The following ERMAP variants were observed in gnomAD, a reference collection of about 807,000 sequenced individuals.
ERMAP encodes erythroid membrane-associated protein.
In ERMAP, 34 loss-of-function variants were observed where a neutral mutation model predicts 49.5. That is an observed-to-expected ratio of 0.69 (90% CI 0.52 to 0.91). The LOEUF (loss-of-function observed/expected upper bound fraction) is 0.91. Ranked by LOEUF, ERMAP falls within the 40% of genes least tolerant of loss-of-function variation. ERMAP has a pLI of 0.00. For missense variants in ERMAP, 541 were observed against 582.6 expected (o/e 0.93, Z 0.74); for synonymous variants, 214 against 232.2 (o/e 0.92, Z 0.71).
Position 42,837,198 on chromosome 1 carries a change from T to C in ERMAP, c.616+8T>C, listed in dbSNP as rs369151425. 1.4e-4 allele frequency: 220 copies of C among 1,613,030 alleles called. No individual in the cohort carries two copies. The highest frequency in any genetic ancestry group is 1.8e-4 in the Non-Finnish European group (209 of 1,179,194). ...ACCATGCTAAAGAAAAAGGTAATGA[T>C]ATAAAAGAGTAAGGGGTAGGGAACA... On this transcript the variant is annotated splice_region_variant and intron_variant, in intron 7 of 11. Coordinates refer to ENST00000372517, the MANE Select transcript of ERMAP (RefSeq NM_001017922.2).
chr1:42,831,786 A>G (rs1285701712), intron 4 of ERMAP, among the ~76,000 whole-genome samples: 1 of 151,510 alleles, frequency 6.6e-6, no homozygotes, highest in Non-Finnish European at 1.5e-5. Context: ...GGGTCTCCCT[A>G]TGTTTCCTAG....
chr1:42,828,838 C>T (rs1464365642), intron 2 of ERMAP, among the ~76,000 whole-genome samples: 2 of 152,084 alleles, frequency 1.3e-5, no homozygotes, highest in Non-Finnish European at 2.9e-5. Context: ...TTGTCTGAAT[C>T]TTGGAATATG....
chr1:42,835,767 A>T lies in ERMAP; in HGVS notation c.583+3A>T. 1 of 1,609,246 alleles carries T rather than the reference A, an allele frequency of 6.2e-7. No individual in the cohort carries two copies. The highest frequency in any genetic ancestry group is 8.5e-7 in the Non-Finnish European group (1 of 1,177,936). Reference sequence around the variant, plus strand: ...CTATGAACATGTGACGGAGGTGGGTAAGTGTTCTTGGCTGGGGGGCAGGGG... The same window carrying T: ...CTATGAACATGTGACGGAGGTGGGTTAGTGTTCTTGGCTGGGGGGCAGGGG... On this transcript the variant is annotated splice_donor_region_variant and intron_variant, in intron 6 of 11. Coordinates refer to ENST00000372517, the MANE Select transcript of ERMAP (RefSeq NM_001017922.2).
At chr1:42,827,390 G>T (rs896299524) in intron 2 of ERMAP, among the ~76,000 whole-genome samples, 10 of 152,232 alleles carry the variant, frequency 6.6e-5, no homozygotes, top group African/African-American at 2.4e-4. Context: ...GCCCAGGCTG[G>T]TCTCAAACTC....
chr1:42,821,170 G>A (rs1654397060), intron 1 of ERMAP, among the ~76,000 whole-genome samples: 1 of 152,132 alleles, frequency 6.6e-6, no homozygotes, highest in South Asian at 2.1e-4. Flanking sequence ...CATCTCTATT[G>A]CACAGTTACT....
In ERMAP at chr1:42,819,745, C is replaced by G. The variant is rs1342388088; in HGVS notation, c.-122+2492C>G. The stretch of plus-strand genomic sequence containing the variant: ...AGTGGCTGGTACTACAGATGTGAAC[C>G]AGGTCATTTACCAGTGTCTTTTTTT... On this transcript the variant is annotated intron_variant, in intron 1 of 11. Coordinates refer to ENST00000372517, the MANE Select transcript of ERMAP (RefSeq NM_001017922.2). The surrounding 1 kb of genome is among the most constrained non-coding windows in gnomAD (Gnocchi z 5.1). Among the ~76,000 whole-genome samples, 1 of 151,914 alleles carries G rather than the reference C, an allele frequency of 6.6e-6. No individual in the cohort carries two copies. The highest frequency in any genetic ancestry group is 1.5e-5 in the Non-Finnish European group (1 of 67,994).
intron 1 of ERMAP, 79 bp downstream of exon 1, chr1:42,817,332 GGGGGGAGGGGCGCAGGGCCGAGCGCCA>G (rs1331398539): frequency 7.6e-5 from 77 of 1,014,490 alleles, no homozygotes; most frequent in Admixed American, 3.5e-4. Context: ...GCCGCGCGCC[GGGGGGAGGGGCGCAGGGCCGAGCGCCA>G]GGAGGCTTCC....
At chr1:42,835,619 C>T (rs1570541726) in intron 5 of ERMAP, 113 bp from the exon 6 acceptor site, 7 of 1,382,576 alleles carry the variant, frequency 5.1e-6, no homozygotes, top group Middle Eastern at 2.4e-4. Flanking sequence ...GCCCGCTTAC[C>T]TGTAGTGACA....
chr1:42,839,071 C>T, intron 8 of ERMAP, 150 bp downstream of exon 8: 1 of 1,135,308 alleles, frequency 8.8e-7, no homozygotes, highest in Non-Finnish European at 1.3e-6. Flanking sequence ...CTCTCAAAGG[C>T]CTCTTTTCTC....
rs1304333445 is a variant in ERMAP at position 42,837,272 on chromosome 1, TAA to T, written c.616+83_616+84del. The T allele has an allele frequency of 1.7e-5, 24 of 1,444,234 alleles. No individual in the cohort carries two copies. The East Asian group carries it at 4.3e-4, about 26-fold the overall frequency. 89.5% of individuals were successfully genotyped at this position (1,444,234 alleles called of 1,614,324 possible). A position where few individuals can be genotyped will look rare whatever the true frequency, so the allele number is the denominator to read the frequency against. On this transcript the variant is annotated intron_variant, in intron 7 of 11. Transcript: ENST00000372517. ...ATGTAAATGTTGACAGTCATTATTA[TAA>T]GTCTATTTTTATAATACTGTACACA...
chr1:42,835,648 G>T (rs1292851618), intron 5 of ERMAP, 84 bp from the exon 6 acceptor site: 1 of 1,576,356 alleles, frequency 6.3e-7, no homozygotes, highest in African/African-American at 1.4e-5. Context: ...GTCCTACTCA[G>T]GCAGCTGGGG....
chr1:42,827,016 T>G (rs34510841), intron 2 of ERMAP, among the ~76,000 whole-genome samples: 142 of 152,302 alleles, frequency 9.3e-4, no homozygotes, highest in African/African-American at 3.3e-3. Context: ...TATAGAATTA[T>G]TTTAAAGCTT....
At chr1:42,827,634 C>G (rs1654593615) in intron 2 of ERMAP, among the ~76,000 whole-genome samples, 1 of 152,162 alleles carries the variant, frequency 6.6e-6, no homozygotes, top group Non-Finnish European at 1.5e-5. Context: ...ACAGAAAAAG[C>G]CCCAAACTGT....
chr1:42,829,930 C>T (rs952367685), intron 2 of ERMAP: 1 of 158,862 alleles, frequency 6.3e-6, no homozygotes, highest in Non-Finnish European at 1.4e-5. Flanking sequence ...GACCTCACTG[C>T]CTTGATCTGT....
At chr1:42,842,149 G>A (rs998885842) in intron 11 of ERMAP, 1 of 207,358 alleles carries the variant, frequency 4.8e-6, no homozygotes, top group African/African-American at 2.3e-5. Flanking sequence ...CTTTGTGAAG[G>A]ACCCAAACAC....
chr1:42,828,490 T>C (rs1199079771), intron 2 of ERMAP, among the ~76,000 whole-genome samples: 1 of 110,828 alleles, frequency 9.0e-6, no homozygotes, highest in African/African-American at 3.2e-5. Context: ...CATTCTTTTT[T>C]TAAAAAAATT....
At chr1:42,838,642 C>T (rs1403789579) in intron 7 of ERMAP, among the ~76,000 whole-genome samples, 5 of 152,112 alleles carry the variant, frequency 3.3e-5, no homozygotes, top group Non-Finnish European at 7.4e-5. Context: ...ATGCCGACAG[C>T]AGAAATGAAA....
rs762803517 is a variant in ERMAP at position 42,838,932 on chromosome 1, C to T, written c.637+11C>T. The T allele has an allele frequency of 1.2e-6, 2 of 1,614,154 alleles. No homozygotes were observed. The highest frequency in any genetic ancestry group is 1.7e-6 in the Non-Finnish European group (2 of 1,180,010). On this transcript the variant is annotated intron_variant, in intron 8 of 11. Transcript: ENST00000372517. The stretch of plus-strand genomic sequence containing the variant: ...TCCATAAAGCTGTCAGTAAGTTTTG[C>T]TCCTCATCCATGGCACAAGCTCCTT...
chr1:42,840,424 TCTGA>T lies in ERMAP; in HGVS notation c.712+131_712+134del, dbSNP rs759642079. The T allele has an allele frequency of 6.4e-5, 69 of 1,070,894 alleles. 1 individual carries two copies. Among genetic ancestry groups the T allele is most frequent in the South Asian group, 1.6e-4 (11 of 69,852 alleles). The allele number at this position is 1,070,894 out of a possible 1,614,324, so 66.3% of individuals were successfully genotyped here. On this transcript the variant is annotated intron_variant, in intron 11 of 11. Transcript: ENST00000372517. ...AAAATTTTTAAATCAAATCTGTATA[TCTGA>T]CTATCAAATTAAAAAAATCTTTGTG...
Sources: gnomAD v4.1 joint callset for allele counts (sites outside exome capture counted in the v4.1 genomes callset) on GRCh38, gnomAD v4.1.1 for gene constraint, Gnocchi (gnomAD v3.1) non-coding constraint, MANE v1.5 for transcripts, NCBI Gene and HGNC (gene_info 2026-07-23, HGNC 2026-07-21) for gene names.